SDK1: variants seen among roughly 807,000 people sequenced by gnomAD.
The protein encoded by SDK1 is sidekick cell adhesion molecule 1, also known as protein sidekick-1.
SDK1 carries 157 observed loss-of-function variants against 245.5 expected under a neutral mutation model. The observed-to-expected ratio is 0.64, with a 90% CI of 0.56 to 0.73. The LOEUF is 0.73. Ranked by LOEUF, SDK1 falls within the 30% of genes least tolerant of loss-of-function variation. SDK1 has a pLI of 0.00. For missense variants in SDK1, 3,583 were observed against 3,002.3 expected (o/e 1.19, Z -4.52); for synonymous variants, 1,647 against 1,278.5 (o/e 1.29, Z -6.15).
Position 3,869,573 on chromosome 7 carries a change from C to T in SDK1, c.847+47990C>T, listed in dbSNP as rs564103089. Among the ~76,000 whole-genome samples, 6 of 152,330 alleles carry T rather than the reference C, an allele frequency of 3.9e-5. No homozygotes were observed. In the South Asian group the frequency reaches 1.0e-3, roughly 26 times the overall value. ...CAGCGGCCACCCTGTGCCCCCAGCC[C>T]GCTGCGTCCTCTTCCCAGCAGCTCC... On this transcript the variant is annotated intron_variant, in intron 5 of 44. Coordinates refer to ENST00000404826, the MANE Select transcript of SDK1 (RefSeq NM_152744.4).
At chr7:3,718,521 CAATA>C (rs55995629) in intron 4 of SDK1, among the ~76,000 whole-genome samples, 159 of 134,064 alleles carry the variant, frequency 1.2e-3, no homozygotes, top group East Asian at 2.9e-3. Flanking sequence ...AACTGTATCT[CAATA>C]AATAAATAAA....
chr7:3,548,975 C>A (rs371937710), intron 1 of SDK1, among the ~76,000 whole-genome samples: 2 of 152,298 alleles, frequency 1.3e-5, no homozygotes, highest in East Asian at 3.9e-4. Flanking sequence ...TTTACTCTCC[C>A]TACTATCAAT....
At chr7:3,458,717 A>G (rs998928373) in intron 1 of SDK1, among the ~76,000 whole-genome samples, 1 of 152,066 alleles carries the variant, frequency 6.6e-6, no homozygotes, top group East Asian at 1.9e-4. Context: ...TAATTAACAT[A>G]ATCATCCTTT....
At chr7:3,634,680 A>G (rs1782399980) in intron 2 of SDK1, among the ~76,000 whole-genome samples, 2 of 152,244 alleles carry the variant, frequency 1.3e-5, no homozygotes, top group South Asian at 2.1e-4. Flanking sequence ...GAATATTCCC[A>G]TCTGTTAGGT....
rs539441738 is a variant in SDK1, at chr7:4,258,264, C to T, written c.6382-6860C>T. Among the ~76,000 whole-genome samples, 2 of 152,286 alleles carry T rather than the reference C, an allele frequency of 1.3e-5. 1 individual carries two copies. The highest frequency in any genetic ancestry group is 4.1e-4 in the South Asian group (2 of 4,820). On this transcript the variant is annotated intron_variant, in intron 44 of 44. Transcript: ENST00000404826. ...GGAAATGTGGACTCCAGTGAGAGCTCAGCAGTCCCTTCCGAACCACCCCTA... is the reference window on the plus strand; with the variant it reads ...GGAAATGTGGACTCCAGTGAGAGCTTAGCAGTCCCTTCCGAACCACCCCTA...
Position 3,887,885 on chromosome 7 carries a change from G to A in SDK1, c.848-63038G>A, listed in dbSNP as rs74916016. Reference sequence around the variant, plus strand: ...ATTTCTTTCCGCCTTAGCAACTGACGTAAGATTTGCTGGTATTGGGTTTTC... The same window carrying A: ...ATTTCTTTCCGCCTTAGCAACTGACATAAGATTTGCTGGTATTGGGTTTTC... On this transcript the variant is annotated intron_variant, in intron 5 of 44. Transcript: ENST00000404826. 1.9e-4 allele frequency among the ~76,000 whole-genome samples: 29 copies of A among 152,262 alleles called. No homozygotes were observed. The East Asian group carries it at 3.7e-3, about 19-fold the overall frequency.
At chr7:3,607,895 G>A (rs1583221118) in intron 1 of SDK1, among the ~76,000 whole-genome samples, 1 of 152,360 alleles carries the variant, frequency 6.6e-6, no homozygotes, top group East Asian at 1.9e-4. Flanking sequence ...GTCTAGAGCA[G>A]CAGTTCCCAA....
chr7:4,207,470 G>A (rs961252794), intron 36 of SDK1, among the ~76,000 whole-genome samples: 1 of 152,206 alleles, frequency 6.6e-6, no homozygotes, highest in African/African-American at 2.4e-5. Flanking sequence ...TAGACAAGAG[G>A]AAATGGCACC....
At chr7:3,311,989 C>G (rs1302760247) in intron 1 of SDK1, among the ~76,000 whole-genome samples, 2 of 152,168 alleles carry the variant, frequency 1.3e-5, no homozygotes, top group African/African-American at 2.4e-5. Context: ...TAAAGGTTCT[C>G]TAGCATCAAA....
chr7:4,263,485 T>C (rs1447909592), intron 44 of SDK1, among the ~76,000 whole-genome samples: 1,041 of 93,530 alleles, frequency 0.011, 19 homozygotes, highest in Middle Eastern at 0.019. Context: ...TCCGCGTAGA[T>C]CTCTCCTGAG....
intron 1 of SDK1, among the ~76,000 whole-genome samples, chr7:3,518,788 C>G (rs556833498): frequency 6.6e-6 from 1 of 152,150 alleles, no homozygotes; most frequent in African/African-American, 2.4e-5. Flanking sequence ...AGCAATCCCA[C>G]TACTGGGCAT....
intron 1 of SDK1, among the ~76,000 whole-genome samples, chr7:3,555,434 G>C (rs1779557972): frequency 6.6e-6 from 1 of 152,064 alleles, no homozygotes; most frequent in Non-Finnish European, 1.5e-5. Context: ...AATCAAAATG[G>C]ATTAAAAACT....
At chr7:4,211,379 G>A (rs538055481) in intron 38 of SDK1, among the ~76,000 whole-genome samples, 110 of 152,252 alleles carry the variant, frequency 7.2e-4, no homozygotes, top group African/African-American at 2.6e-3. Flanking sequence ...TGAGGAGGCC[G>A]GCCGGGGCTG....
chr7:4,218,152 C>G (rs760564506), intron 38 of SDK1, among the ~76,000 whole-genome samples: 1 of 152,184 alleles, frequency 6.6e-6, no homozygotes, highest in Non-Finnish European at 1.5e-5. Flanking sequence ...GTCTGTAATT[C>G]CAGCACGTTG....
At chr7:3,668,800 A>G (rs779868413) in intron 4 of SDK1, among the ~76,000 whole-genome samples, 6 of 152,218 alleles carry the variant, frequency 3.9e-5, no homozygotes, top group Non-Finnish European at 1.5e-5. Flanking sequence ...CAAACAAAAC[A>G]AAACAAAATA....
At chr7:3,637,939 C>G (rs949364749) in intron 2 of SDK1, among the ~76,000 whole-genome samples, 1 of 152,220 alleles carries the variant, frequency 6.6e-6, no homozygotes, top group Non-Finnish European at 1.5e-5. Flanking sequence ...TTGTTTGCCT[C>G]TTCCTGTGGA....
intron 5 of SDK1, among the ~76,000 whole-genome samples, chr7:3,846,394 C>T (rs1780279535): frequency 6.6e-6 from 1 of 152,138 alleles, no homozygotes; most frequent in Non-Finnish European, 1.5e-5. Flanking sequence ...AGGAGAAGGA[C>T]ATTTGTTTAA....
At chr7:3,938,289 T>G (rs1042475553) in intron 5 of SDK1, among the ~76,000 whole-genome samples, 1 of 152,158 alleles carries the variant, frequency 6.6e-6, no homozygotes, top group Non-Finnish European at 1.5e-5. Flanking sequence ...ATCCCAGTCT[T>G]TCTATTGGTG....
At chr7:3,517,798 C>T (rs561215082) in intron 1 of SDK1, among the ~76,000 whole-genome samples, 1 of 152,280 alleles carries the variant, frequency 6.6e-6, no homozygotes, top group Admixed American at 6.5e-5. Context: ...ATTTCCTCTC[C>T]TAGGTCATCA....
Sources: allele counts gnomAD v4.1 joint callset (sites outside exome capture counted in the v4.1 genomes callset), GRCh38; gene constraint gnomAD v4.1.1; transcripts MANE v1.5; gene names NCBI Gene and HGNC (gene_info 2026-07-23, HGNC 2026-07-21).